MED22: variants seen among roughly 807,000 people sequenced by gnomAD.
MED22 encodes the protein mediator of RNA polymerase II transcription subunit 22.
MED22 carries 22 observed loss-of-function variants against 22.7 expected under a neutral mutation model. The observed-to-expected ratio is 0.97, with a 90% CI of 0.69 to 1.38. The LOEUF (loss-of-function observed/expected upper bound fraction) is 1.38. Among genes scored for constraint, MED22 ranks in the 40% most tolerant of loss-of-function variants. The pLI is 0.00. For synonymous variants in MED22, 134 were observed against 119.4 expected (o/e 1.12, Z -0.80); for missense variants, 247 against 263.0 (o/e 0.94, Z 0.42).
In MED22 at chr9:133,342,973, G is replaced by A. The variant is rs2129955520; in HGVS notation, c.413+1152C>T. On this transcript the variant is annotated intron_variant, in intron 4 of 4. Coordinates refer to ENST00000343730, the MANE Select transcript of MED22 (RefSeq NM_133640.5). ...AAAGAGACCGACAAACTGAACAGCT[G>A]TGGAAGGAGATGCCCAGAAGGGTCT... The A allele has an allele frequency of 4.1e-6, 4 of 985,844 alleles. No homozygotes were observed. The African/African-American group carries it at 7.0e-5, about 17-fold the overall frequency. The allele number at this position is 985,844 out of a possible 1,614,324, so 61.1% of individuals were successfully genotyped here. A position where few individuals can be genotyped will look rare whatever the true frequency, so the allele number is the denominator to read the frequency against.
Position 133,341,658 on chromosome 9 carries a change from G to C in MED22, c.450C>G (p.Cys150Trp). 2 of 1,608,176 alleles carry C rather than the reference G, an allele frequency of 1.2e-6. No individual in the cohort carries two copies. The highest frequency in any genetic ancestry group is 1.1e-5 in the South Asian group (1 of 90,156). Residue 150 changes from cysteine (C) to tryptophan (W), a missense_variant, in exon 5 of 5, where the codon TGC becomes TGG. Transcript: ENST00000343730. ...SLCEANDLPL[C>W]EAYGRLDLDT... ...CGAGGTCCAGCCTCCCGTAAGCTTC[G>C]CACAGAGGCAGGTCATTAGCTTCGC... is the stretch of plus-strand genomic sequence containing the variant.
Position 133,348,053 on chromosome 9 carries a change from C to G in MED22, c.-170G>C. On this transcript the variant is annotated 5_prime_UTR_variant, in exon 1 of 5. Transcript: ENST00000343730. ...GGCCCTCCCGCCGCAGTCTCTCTTC[C>G]CCGCCGCGCCGCGGTCCGAAAACCT... The G allele has an allele frequency of 1.3e-6, 1 of 774,938 alleles. No homozygotes were observed. The highest frequency in any genetic ancestry group is 2.6e-5 in the East Asian group (1 of 37,962). The allele number at this position is 774,938 out of a possible 1,614,324, so 48.0% of individuals were successfully genotyped here. A position where few individuals can be genotyped will look rare whatever the true frequency, so the allele number is the denominator to read the frequency against.
rs2129969068 is a variant in MED22 at position 133,346,610 on chromosome 9, T to C, written c.53A>G (p.Tyr18Cys). ...PQSKETLLQS[Y>C]NKRLKDDIKS... is the part of the protein sequence containing the mutation. The stretch of plus-strand genomic sequence containing the variant: ...AATGTCGTCCTTCAGCCGCTTGTTG[T>C]AGGACTGCAGCAGCGTCTCCTTGCT... Residue 18 changes from tyrosine to cysteine, a missense_variant, in exon 2 of 5, where the codon TAC becomes TGC. Coordinates refer to ENST00000343730, the MANE Select transcript of MED22 (RefSeq NM_133640.5). 4 of 1,613,030 alleles carry C rather than the reference T, an allele frequency of 2.5e-6. No homozygotes were observed. In the South Asian group the frequency reaches 4.4e-5, roughly 18 times the overall value.
In MED22 at chr9:133,342,705, T is replaced by A. The variant is rs2129954652; in HGVS notation, c.414-1011A>T. ...CTGTGTGAGGCCCCCCAGGGGGCGC[T>A]GGTGTGGACAGGAGGCCTGCGGGAG... is the stretch of plus-strand genomic sequence containing the variant. On this transcript the variant is annotated intron_variant, in intron 4 of 4. Transcript: ENST00000343730. The A allele has an allele frequency of 4.6e-5, 45 of 985,762 alleles. No individual in the cohort carries two copies. The South Asian group carries it at 2.1e-3, about 45-fold the overall frequency. 61.1% of individuals were successfully genotyped at this position (985,762 alleles called of 1,614,324 possible). A position where few individuals can be genotyped will look rare whatever the true frequency, so the allele number is the denominator to read the frequency against.
intron 4 of MED22, chr9:133,341,912 GA>G: frequency 7.5e-7 from 1 of 1,339,796 alleles, no homozygotes; most frequent in African/African-American, 1.5e-5. Flanking sequence ...CTGAAAGGAG[GA>G]AGCCGCCCTG....
rs1835964073 is a variant in MED22, at chr9:133,339,740, G to A, written c.*1765C>T. 1 of 235,592 alleles carries A rather than the reference G, an allele frequency of 4.2e-6. No individual in the cohort carries two copies. Among genetic ancestry groups the A allele is most frequent in the African/African-American group, 2.3e-5 (1 of 42,982 alleles). The allele number at this position is 235,592 out of a possible 1,614,324, so 14.6% of individuals were successfully genotyped here. ...ATGGGCCGGGGCTTAGCAATGTGGAGGCCACTGGTGACCTTAATAGGTGTA... is the reference window on the plus strand; with the variant it reads ...ATGGGCCGGGGCTTAGCAATGTGGAAGCCACTGGTGACCTTAATAGGTGTA... On this transcript the variant is annotated 3_prime_UTR_variant, in exon 5 of 5. Coordinates refer to ENST00000343730, the MANE Select transcript of MED22 (RefSeq NM_133640.5).
Position 133,341,817 on chromosome 9 carries a change from C to A in MED22, c.414-123G>T. 8 of 1,452,698 alleles carry A rather than the reference C, an allele frequency of 5.5e-6. No homozygotes were observed. The South Asian group carries it at 1.2e-4, about 21-fold the overall frequency. The allele number at this position is 1,452,698 out of a possible 1,614,324, so 90.0% of individuals were successfully genotyped here. A position where few individuals can be genotyped will look rare whatever the true frequency, so the allele number is the denominator to read the frequency against. ...GACCACACCCCAGACCTGCCTTTCC[C>A]TTTCTCCACTCCTGCTCCATCTGTC... is the stretch of plus-strand genomic sequence containing the variant. On this transcript the variant is annotated intron_variant, in intron 4 of 4. Coordinates refer to ENST00000343730, the MANE Select transcript of MED22 (RefSeq NM_133640.5).
In MED22 at chr9:133,348,076, C is replaced by T; in HGVS notation, c.-193G>A. The stretch of plus-strand genomic sequence containing the variant: ...TCCCCGCCGCGCCGCGGTCCGAAAA[C>T]CTAGTCAGCCGCCGCAGCCTCTCGG... On this transcript the variant is annotated 5_prime_UTR_variant, in exon 1 of 5. Coordinates refer to ENST00000343730, the MANE Select transcript of MED22 (RefSeq NM_133640.5). 1 of 973,664 alleles carries T rather than the reference C, an allele frequency of 1.0e-6. No homozygotes were observed. The highest frequency in any genetic ancestry group is 1.6e-5 in the African/African-American group (1 of 61,988). The allele number at this position is 973,664 out of a possible 1,614,324, so 60.3% of individuals were successfully genotyped here.
In MED22 at chr9:133,343,185, T is replaced by C. The variant is rs961537633; in HGVS notation, c.413+940A>G. The C allele has an allele frequency of 4.6e-6, 5 of 1,089,802 alleles. No homozygotes were observed. The South Asian group carries it at 1.4e-4, about 29-fold the overall frequency. The allele number at this position is 1,089,802 out of a possible 1,614,324, so 67.5% of individuals were successfully genotyped here. ...ACCAAGCCCCAGGTCATGCTGGCTC[T>C]GGATATCTGTGGCTCCCAGCATGGC... is the stretch of plus-strand genomic sequence containing the variant. On this transcript the variant is annotated intron_variant, in intron 4 of 4. Coordinates refer to ENST00000343730, the MANE Select transcript of MED22 (RefSeq NM_133640.5).
Position 133,339,830 on chromosome 9 carries a change from T to C in MED22, c.*1675A>G, listed in dbSNP as rs1006906140. 2 of 156,964 alleles carry C rather than the reference T, an allele frequency of 1.3e-5. No homozygotes were observed. The highest frequency in any genetic ancestry group is 4.8e-5 in the African/African-American group (2 of 41,478). The allele number at this position is 156,964 out of a possible 1,614,324, so 9.7% of individuals were successfully genotyped here. A position where few individuals can be genotyped will look rare whatever the true frequency, so the allele number is the denominator to read the frequency against. ...GGCCCAAGAGAGAACTGCAAATGGT[T>C]ATCAGCTGCTTCCCCGTGGAGCTCT... On this transcript the variant is annotated 3_prime_UTR_variant, in exon 5 of 5. Coordinates refer to ENST00000343730, the MANE Select transcript of MED22 (RefSeq NM_133640.5).
chr9:133,345,501 C>T (rs2129965578), intron 2 of MED22, among the ~76,000 whole-genome samples: 3 of 152,212 alleles, frequency 2.0e-5, no homozygotes, highest in Non-Finnish European at 2.9e-5. Flanking sequence ...AGGCAACCCA[C>T]GCTGCTTGCT....
chr9:133,348,091 C>T lies in MED22; in HGVS notation c.-208G>A. The stretch of plus-strand genomic sequence containing the variant: ...GGTCCGAAAACCTAGTCAGCCGCCG[C>T]AGCCTCTCGGCCCCGCCTCGATTTT... On this transcript the variant is annotated 5_prime_UTR_variant, in exon 1 of 5. Coordinates refer to ENST00000343730, the MANE Select transcript of MED22 (RefSeq NM_133640.5). 3.6e-6 allele frequency: 4 copies of T among 1,118,426 alleles called. No individual in the cohort carries two copies. The highest frequency in any genetic ancestry group is 2.7e-5 in the South Asian group (2 of 75,032). The allele number at this position is 1,118,426 out of a possible 1,614,324, so 69.3% of individuals were successfully genotyped here.
At chr9:133,343,036 G>A (rs1836059510) in intron 4 of MED22, 4 of 987,608 alleles carry the variant, frequency 4.1e-6, no homozygotes, top group East Asian at 1.1e-4. Context: ...CCCTAGTGTG[G>A]AGGAAATGCT....
chr9:133,341,071 G>T lies in MED22; in HGVS notation c.*434C>A, dbSNP rs1413233753. Reference sequence around the variant, plus strand: ...GCTCAGGGCAAGAACCAGTGGATGGGGCTCTGCACAGGAACGCTGGCCTCG... The same window carrying T: ...GCTCAGGGCAAGAACCAGTGGATGGTGCTCTGCACAGGAACGCTGGCCTCG... On this transcript the variant is annotated 3_prime_UTR_variant, in exon 5 of 5. Transcript: ENST00000343730. 6.3e-6 allele frequency: 1 copy of T among 158,270 alleles called. No homozygotes were observed. Among genetic ancestry groups the T allele is most frequent in the East Asian group, 1.9e-4 (1 of 5,404 alleles). The allele number at this position is 158,270 out of a possible 1,614,324, so 9.8% of individuals were successfully genotyped here.
chr9:133,341,826 C>T, intron 4 of MED22, 132 bp from the exon 5 acceptor site: 2 of 1,431,358 alleles, frequency 1.4e-6, no homozygotes, highest in Non-Finnish European at 1.8e-6. Flanking sequence ...CCTTTCTCCA[C>T]TCCTGCTCCA....
At position 133,338,949 on chromosome 9, in the gene MED22, G is replaced by A; in HGVS notation, c.*2556C>T. ...ACACACAATAAAAACAGGCATAAAA[G>A]CCTTTCAGCTGGAACCGCCACCTTC... On this transcript the variant is annotated 3_prime_UTR_variant, in exon 5 of 5. Transcript: ENST00000343730. 1 of 638,882 alleles carries A rather than the reference G, an allele frequency of 1.6e-6. No homozygotes were observed. Among genetic ancestry groups the A allele is most frequent in the Non-Finnish European group, 2.9e-6 (1 of 338,984 alleles). The allele number at this position is 638,882 out of a possible 1,614,324, so 39.6% of individuals were successfully genotyped here. A position where few individuals can be genotyped will look rare whatever the true frequency, so the allele number is the denominator to read the frequency against.
At chr9:133,342,455 G>A (rs1836034843) in intron 4 of MED22, 1 of 985,936 alleles carries the variant, frequency 1.0e-6, no homozygotes, top group Non-Finnish European at 1.2e-6. Context: ...GGCACAGAGT[G>A]GCATCCCGAG....
chr9:133,342,867 T>C (rs1836053269), intron 4 of MED22: 1 of 985,546 alleles, frequency 1.0e-6, no homozygotes. Context: ...CCTCTCTCCC[T>C]GCCCCAAGGC....
chr9:133,341,531 C>T lies in MED22; in HGVS notation c.577G>A (p.Gly193Ser), dbSNP rs1836003482. The change falls in exon 5 of 5, where the codon GGC becomes AGC. Residue 193 changes from glycine (G) to serine (S), a missense_variant. Gly to Ser is a moderately conservative substitution (Grantham distance 56, BLOSUM62 0). Transcript: ENST00000343730. ...CAGGCGTGCTCAGTGGGGCCAGGGCCACCAGCATGGGAGTGGGCAGGGGCT... is the reference window on the plus strand; with the variant it reads ...CAGGCGTGCTCAGTGGGGCCAGGGCTACCAGCATGGGAGTGGGCAGGGGCT... ...VAAPAHSHAG[G>S]PGPTEHA 1.3e-6 allele frequency: 2 copies of T among 1,532,266 alleles called. No homozygotes were observed. Among genetic ancestry groups the T allele is most frequent in the Non-Finnish European group, 1.7e-6 (2 of 1,150,270 alleles). 94.9% of individuals were successfully genotyped at this position (1,532,266 alleles called of 1,614,324 possible). A position where few individuals can be genotyped will look rare whatever the true frequency, so the allele number is the denominator to read the frequency against.
Sources: allele counts gnomAD v4.1 joint callset (sites outside exome capture counted in the v4.1 genomes callset), GRCh38; gene constraint gnomAD v4.1.1; transcripts MANE v1.5; gene names NCBI Gene and HGNC (gene_info 2026-07-23, HGNC 2026-07-21).